HJURP: variants seen among roughly 807,000 people sequenced by gnomAD.
The protein encoded by HJURP is Holliday junction recognition protein, also known as 14-3-3-associated AKT substrate.
A neutral mutation model predicts 72.0 loss-of-function variants in HJURP; 49 were observed. That is an observed-to-expected ratio of 0.68 (90% CI 0.54 to 0.86). HJURP has a LOEUF of 0.86. HJURP is among the 40% of genes least tolerant of loss of function. The probability of loss-of-function intolerance (pLI) is 0.00; values close to 1 mark genes in which losing one functional copy is unlikely to be tolerated. For missense variants in HJURP, 908 were observed against 936.3 expected (o/e 0.97, Z 0.39); for synonymous variants, 357 against 347.1 (o/e 1.03, Z -0.32).
intron 3 of HJURP, among the ~76,000 whole-genome samples, chr2:233,852,039 C>T (rs571665970): frequency 4.9e-4 from 75 of 152,266 alleles, no homozygotes; most frequent in Non-Finnish European, 8.8e-5. Context: ...GGTCTCAGAG[C>T]GACAACACCC....
intron 8 of HJURP, 48 bp from the exon 9 acceptor site, chr2:233,837,700 AT>A (rs1705112726): frequency 8.2e-7 from 1 of 1,213,108 alleles, no homozygotes; most frequent in African/African-American, 1.5e-5. Context: ...AAATTCTAGA[AT>A]TCCCAATGCC....
Position 233,842,068 on chromosome 2 carries a change from C to T in HJURP, c.712G>A (p.Glu238Lys). The T allele has an allele frequency of 6.2e-7, 1 of 1,614,194 alleles. No homozygotes were observed. Among genetic ancestry groups the T allele is most frequent in the Non-Finnish European group, 8.5e-7 (1 of 1,180,032 alleles). Reference protein sequence around the residue: ...VPRNDSLSLQETSSSSFLSSQ... With the variant: ...VPRNDSLSLQKTSSSSFLSSQ... ...CTTAAGAAGCTGCTGCTACTGGTCTCTTGTAGGGAGAGGCTGTCATTTCTA... is the reference window on the plus strand; with the variant it reads ...CTTAAGAAGCTGCTGCTACTGGTCTTTTGTAGGGAGAGGCTGTCATTTCTA... Residue 238 changes from glutamate (E) to lysine (K), a missense_variant, in exon 8 of 9, where the codon GAG becomes AAG. Transcript: ENST00000411486.
In HJURP at chr2:233,853,880, C is replaced by T; in HGVS notation, c.148G>A (p.Val50Met). The T allele has an allele frequency of 6.2e-7, 1 of 1,614,096 alleles. No homozygotes were observed. The highest frequency in any genetic ancestry group is 8.5e-7 in the Non-Finnish European group (1 of 1,179,966). ...YNQPFEDTPV[V>M]QMATLTYETP... ...TCGTAGGTCAGCGTGGCCATTTGCA[C>T]CACCGGGGTGTCCTCGAAGGGCTGG... The change falls in exon 2 of 9, where the codon GTG becomes ATG. Residue 50 changes from valine (V) to methionine (M), a missense_variant. Val to Met is a conservative substitution (Grantham distance 21). Around this residue, in one of 3 missense-constraint regions of HJURP, gnomAD observed 299 missense variants for 286.7 expected, o/e 1.04. Coordinates refer to ENST00000411486, the MANE Select transcript of HJURP (RefSeq NM_018410.5).
rs143929830 is a variant in HJURP at position 233,837,859 on chromosome 2, C to G, written c.2172-207G>C. The stretch of plus-strand genomic sequence containing the variant: ...CCCCCGACCCTGCTCCCCACACTCC[C>G]CCAGGGAGCACAAGCTGGTGGGGAA... On this transcript the variant is annotated intron_variant, in intron 8 of 8. Coordinates refer to ENST00000411486, the MANE Select transcript of HJURP (RefSeq NM_018410.5). Among the ~76,000 whole-genome samples the G allele has an allele frequency of 5.0e-3, 762 of 152,318 alleles. 12 individuals carry two copies. Among genetic ancestry groups the G allele is most frequent in the African/African-American group, 0.018 (738 of 41,564 alleles).
At chr2:233,850,030 T>C (rs909254415) in intron 3 of HJURP, among the ~76,000 whole-genome samples, 171 bp from the exon 4 acceptor site, 4 of 152,128 alleles carry the variant, frequency 2.6e-5, no homozygotes, top group African/African-American at 4.8e-5. Flanking sequence ...CTCAAGAGCG[T>C]AGGAAGGAGC....
chr2:233,842,136 C>T lies in HJURP; in HGVS notation c.644G>A (p.Trp215Ter). 1 of 1,614,042 alleles carries T rather than the reference C, an allele frequency of 6.2e-7. No individual in the cohort carries two copies. Among genetic ancestry groups the T allele is most frequent in the South Asian group, 1.1e-5 (1 of 91,076 alleles). Residue 215 changes from tryptophan to a stop codon, truncating the protein, a stop_gained, in exon 8 of 9, where the codon TGG becomes TAG. Transcript: ENST00000411486. LOFTEE classifies it high-confidence loss of function. ...TGTGGAGGAAGGATGCAAAGGATCC[C>T]ATTCTCTGGGAGATGAAGCTGGTTT... is the stretch of plus-strand genomic sequence containing the variant. ...PAKPASSPREWDPLHPSSTDM... is the reference protein window; with the variant it reads ...PAKPASSPRE
At chr2:233,850,934 C>T (rs748466138) in intron 3 of HJURP, among the ~76,000 whole-genome samples, 8 of 152,222 alleles carry the variant, frequency 5.3e-5, no homozygotes, top group Admixed American at 1.3e-4. Context: ...GCCTCCAGGG[C>T]GGCAGGAGCA....
intron 8 of HJURP, among the ~76,000 whole-genome samples, chr2:233,838,917 CAGTT>C (rs1371820854): frequency 6.6e-6 from 1 of 152,174 alleles, no homozygotes; most frequent in African/African-American, 2.4e-5. Context: ...ATCAGGCACA[CAGTT>C]GGAGACCAAG....
chr2:233,844,462 C>T (rs957728489), intron 6 of HJURP, among the ~76,000 whole-genome samples, 179 bp from the exon 7 acceptor site: 9 of 152,206 alleles, frequency 5.9e-5, no homozygotes, highest in Non-Finnish European at 1.2e-4. Context: ...ATATGTCCTA[C>T]TAAGATCTGG....
In HJURP at chr2:233,841,002, A is replaced by G. The variant is rs139907614; in HGVS notation, c.1778T>C (p.Leu593Pro). The stretch of plus-strand genomic sequence containing the variant: ...CACTGTCATCTGCCCAGGAGATTTG[A>G]GGCAATACTTTTGATGAAGCTTGTC... ...EFDKLHQKYC[L>P]KSPGQMTVPL... Residue 593 changes from leucine (L) to proline (P), a missense_variant, in exon 8 of 9, where the codon CTC becomes CCC. Physicochemically the swap from Leu to Pro is moderately conservative, Grantham distance 98. Transcript: ENST00000411486. 1.8e-5 allele frequency: 29 copies of G among 1,614,064 alleles called. No homozygotes were observed. The highest frequency in any genetic ancestry group is 2.5e-5 in the Non-Finnish European group (29 of 1,180,036).
At chr2:233,845,382 C>T (rs1705337456) in intron 6 of HJURP, among the ~76,000 whole-genome samples, 2 of 152,138 alleles carry the variant, frequency 1.3e-5, no homozygotes, top group Admixed American at 1.3e-4. Flanking sequence ...AAACTCCTGA[C>T]CTCAAGTGAC....
chr2:233,850,887 T>C (rs937294843), intron 3 of HJURP, among the ~76,000 whole-genome samples: 8 of 152,206 alleles, frequency 5.3e-5, no homozygotes, highest in African/African-American at 1.9e-4. Flanking sequence ...CCAGCACAGG[T>C]CAACACCCGG....
At chr2:233,848,559 T>A (rs561335995) in intron 4 of HJURP, among the ~76,000 whole-genome samples, 1 of 151,990 alleles carries the variant, frequency 6.6e-6, no homozygotes, top group Non-Finnish European at 1.5e-5. Flanking sequence ...GCCTTGGCCA[T>A]GAGGAATGAG....
At position 233,836,731 on chromosome 2, in the gene HJURP, T is replaced by A. The variant is rs1705073495; in HGVS notation, c.*846A>T. The A allele has an allele frequency of 6.6e-6, 1 of 151,954 alleles. No individual in the cohort carries two copies. The highest frequency in any genetic ancestry group is 2.1e-4 in the South Asian group (1 of 4,834). 9.4% of individuals were successfully genotyped at this position (151,954 alleles called of 1,614,324 possible). A position where few individuals can be genotyped will look rare whatever the true frequency, so the allele number is the denominator to read the frequency against. The stretch of plus-strand genomic sequence containing the variant: ...CATATATTAACTATTTACTCCAGCA[T>A]GAGTTTCACCAATGTATTCTGAATA... On this transcript the variant is annotated 3_prime_UTR_variant, in exon 9 of 9. Coordinates refer to ENST00000411486, the MANE Select transcript of HJURP (RefSeq NM_018410.5).
Position 233,846,008 on chromosome 2 carries a change from A to G in HJURP, c.403-188T>C. On this transcript the variant is annotated intron_variant, in intron 5 of 8. Transcript: ENST00000411486. The surrounding 1 kb of genome is among the most constrained non-coding windows in gnomAD (Gnocchi z 4.3). ...TCCTGCTATGTTAATAATCCAAAAG[A>G]ATGTAAAAAGACACACACACACAAA... The G allele has an allele frequency of 1.9e-6, 1 of 529,500 alleles. No individual in the cohort carries two copies. The highest frequency in any genetic ancestry group is 3.0e-5 in the East Asian group (1 of 33,596). 32.8% of individuals were successfully genotyped at this position (529,500 alleles called of 1,614,324 possible). A position where few individuals can be genotyped will look rare whatever the true frequency, so the allele number is the denominator to read the frequency against.
Position 233,847,468 on chromosome 2 carries a change from G to A in HJURP, c.338-7C>T, listed in dbSNP as rs1237831284. 6.2e-7 allele frequency: 1 copy of A among 1,612,830 alleles called. No individual in the cohort carries two copies. The highest frequency in any genetic ancestry group is 1.1e-5 in the South Asian group (1 of 91,066). On this transcript the variant is annotated splice_polypyrimidine_tract_variant and splice_region_variant and intron_variant, in intron 4 of 8. Transcript: ENST00000411486. ...ACCTCACCGCTTTTTGAATCTAAAA[G>A]TCAAACAAGTAAATCTCAATCAGGA... is the stretch of plus-strand genomic sequence containing the variant.
intron 7 of HJURP, among the ~76,000 whole-genome samples, chr2:233,843,676 G>A (rs527783384): frequency 3.9e-5 from 6 of 152,280 alleles, no homozygotes; most frequent in African/African-American, 4.8e-5. Context: ...GTCCGGAAAC[G>A]ATCAGGCAAA....
chr2:233,841,294 T>G lies in HJURP; in HGVS notation c.1486A>C (p.Ser496Arg), dbSNP rs1705221170. The change falls in exon 8 of 9, where the codon AGT becomes CGT. Residue 496 changes from serine to arginine, a missense_variant. This residue lies in a region of HJURP where 598 missense variants were observed against 619.5 expected (regional missense o/e 0.97). Transcript: ENST00000411486. ...SLPSSKAKAK[S>R]LSEAFENLGK... ...AGGTTTTCAAAAGCCTCACTTAAAC[T>G]TTTTGCTTTTGCTTTGCTGGAAGGT... The G allele has an allele frequency of 6.2e-7, 1 of 1,614,086 alleles. No individual in the cohort carries two copies. Among genetic ancestry groups the G allele is most frequent in the Non-Finnish European group, 8.5e-7 (1 of 1,179,972 alleles).
chr2:233,842,851 G>A (rs530345077), intron 7 of HJURP, among the ~76,000 whole-genome samples: 2 of 152,206 alleles, frequency 1.3e-5, no homozygotes, highest in Non-Finnish European at 2.9e-5. Flanking sequence ...AGATGAGCAC[G>A]TGTTAACTCA....
Sources: gnomAD v4.1 joint callset for allele counts (sites outside exome capture counted in the v4.1 genomes callset) on GRCh38, gnomAD v4.1.1 for gene constraint, gnomAD v4.1.1 regional missense constraint, Gnocchi (gnomAD v3.1) non-coding constraint, MANE v1.5 for transcripts, NCBI Gene and HGNC (gene_info 2026-07-23, HGNC 2026-07-21) for gene names.